ARB2A: variants seen among roughly 807,000 people sequenced by gnomAD.
The protein encoded by ARB2A is ARB2 cotranscriptional regulator A.
the ARB2A span, among the ~76,000 whole-genome samples, chr5:93,700,278 T>G: frequency 4.8e-4 from 73 of 152,294 alleles, no homozygotes; most frequent in Non-Finnish European, 9.0e-4. Context: ...TACCTAATGT[T>G]AGATAACATT....
the ARB2A span, among the ~76,000 whole-genome samples, chr5:93,975,316 C>CAA: frequency 2.4e-4 from 15 of 61,784 alleles, no homozygotes; most frequent in African/African-American, 3.3e-4. Context: ...GACTCCATCT[C>CAA]AAAAAAAAAA....
At chr5:93,927,088 AG>A in the ARB2A span, among the ~76,000 whole-genome samples, 1 of 152,128 alleles carries the variant, frequency 6.6e-6, no homozygotes, top group African/African-American at 2.4e-5. Context: ...AAGAGGAACC[AG>A]GAAGTGTTGG....
the ARB2A span, among the ~76,000 whole-genome samples, chr5:93,864,949 G>C: frequency 6.6e-6 from 1 of 151,976 alleles, no homozygotes; most frequent in East Asian, 1.9e-4. Flanking sequence ...TCTTACAGAG[G>C]GCCAGCACAA....
At chr5:93,974,632 A>G in the ARB2A span, among the ~76,000 whole-genome samples, 2 of 152,186 alleles carry the variant, frequency 1.3e-5, no homozygotes, top group African/African-American at 2.4e-5. Flanking sequence ...TCCACCCAAC[A>G]ACAACAAAAT....
At chr5:93,871,528 G>A in the ARB2A span, among the ~76,000 whole-genome samples, 560 of 152,216 alleles carry the variant, frequency 3.7e-3, 2 homozygotes, top group Non-Finnish European at 4.4e-3. Context: ...TTTTACAATT[G>A]CATATCTGTT....
chr5:93,857,431 G>C, the ARB2A span, among the ~76,000 whole-genome samples: 1 of 152,196 alleles, frequency 6.6e-6, no homozygotes, highest in African/African-American at 2.4e-5. Context: ...GCTGTGGTGG[G>C]CTCCACCCAG....
the ARB2A span, among the ~76,000 whole-genome samples, chr5:93,709,628 G>C: frequency 5.0e-5 from 3 of 60,278 alleles, no homozygotes; most frequent in African/African-American, 2.8e-4. Flanking sequence ...GTGAGACTCT[G>C]TCACAAAAAA....
At chr5:94,079,474 G>A in the ARB2A span, among the ~76,000 whole-genome samples, 1 of 152,158 alleles carries the variant, frequency 6.6e-6, no homozygotes, top group Non-Finnish European at 1.5e-5. Flanking sequence ...CAGATGTTAA[G>A]GGGTAGCTGA....
the ARB2A span, among the ~76,000 whole-genome samples, chr5:94,089,591 T>G: frequency 1.3e-5 from 1 of 74,306 alleles, no homozygotes; most frequent in Non-Finnish European, 2.7e-5. Flanking sequence ...TTAAAACCGT[T>G]TATACACACA....
the ARB2A span, among the ~76,000 whole-genome samples, chr5:94,054,915 T>G: frequency 1.3e-5 from 2 of 152,312 alleles, no homozygotes; most frequent in Non-Finnish European, 2.9e-5. Flanking sequence ...TATTGTAAGC[T>G]CCTTTTTAGA....
At chr5:94,048,610 T>C in the ARB2A span, among the ~76,000 whole-genome samples, 1 of 152,106 alleles carries the variant, frequency 6.6e-6, no homozygotes, top group Non-Finnish European at 1.5e-5. Context: ...AATCTCTTGC[T>C]CCTCAAATCC....
At chr5:93,673,016 T>C in the ARB2A span, among the ~76,000 whole-genome samples, 28,754 of 152,144 alleles carry the variant, frequency 0.19, 3,528 homozygotes, top group Non-Finnish European at 0.27. Context: ...ACATGAAACA[T>C]AATTGTCTCT....
chr5:93,734,353 G>A, the ARB2A span: 2 of 152,074 alleles, frequency 1.3e-5, no homozygotes, highest in Non-Finnish European at 2.9e-5. Flanking sequence ...TATTATATAG[G>A]TACTGTCAAA....
At chr5:93,887,396 T>C in the ARB2A span, among the ~76,000 whole-genome samples, 2 of 151,692 alleles carry the variant, frequency 1.3e-5, no homozygotes, top group Non-Finnish European at 2.9e-5. Flanking sequence ...ATAAAGAAAC[T>C]ACAGTTTTAT....
At chr5:93,733,067 TTTTA>T in the ARB2A span, among the ~76,000 whole-genome samples, 6 of 152,178 alleles carry the variant, frequency 3.9e-5, no homozygotes, top group Admixed American at 2.0e-4. Context: ...TCATGTTTAA[TTTTA>T]TTTACTTAAC....
the ARB2A span, among the ~76,000 whole-genome samples, chr5:94,066,966 A>G: frequency 1.6e-4 from 25 of 152,330 alleles, no homozygotes; most frequent in Admixed American, 1.4e-3. Flanking sequence ...ACCAGATTCA[A>G]CAGCACATCA....
chr5:93,884,551 A>G, the ARB2A span, among the ~76,000 whole-genome samples: 2 of 151,620 alleles, frequency 1.3e-5, no homozygotes, highest in Non-Finnish European at 3.0e-5. Context: ...TCAATTGAAG[A>G]TTTGTTATCA....
chr5:93,776,300 T>C, the ARB2A span: 1 of 1,370,118 alleles, frequency 7.3e-7, no homozygotes. Context: ...GATGGAATTT[T>C]TAGGGAGAGT....
chr5:93,719,410 C>T, the ARB2A span, among the ~76,000 whole-genome samples: 4 of 152,108 alleles, frequency 2.6e-5, no homozygotes, highest in Non-Finnish European at 4.4e-5. Context: ...TCAACTGGCC[C>T]GAAGCCACAT....
Sources: allele counts gnomAD v4.1 joint callset (sites outside exome capture counted in the v4.1 genomes callset), GRCh38; gene constraint gnomAD v4.1.1; transcripts MANE v1.5; gene names NCBI Gene and HGNC (gene_info 2026-07-23, HGNC 2026-07-21).